The following PCDH9 variants were observed in gnomAD, a reference collection of about 807,000 sequenced individuals.
The protein encoded by PCDH9 is protocadherin-9.
Under a neutral mutation model 70.6 loss-of-function variants are expected in PCDH9, and 24 were observed. That is an observed-to-expected ratio of 0.34 (90% CI 0.25 to 0.48). The LOEUF is 0.48. PCDH9 is among the 20% of genes least tolerant of loss of function. The pLI is 0.99. For synonymous variants in PCDH9, 562 were observed against 558.5 expected, an observed-to-expected ratio of 1.01 and a Z score of -0.09; for missense variants, 1,281 against 1,503.6, an observed-to-expected ratio of 0.85 and a Z score of 2.45.
intron 4 of PCDH9, among the ~76,000 whole-genome samples, chr13:66,455,542 A>G (rs966965816): frequency 2.0e-5 from 3 of 152,106 alleles, no homozygotes; most frequent in Non-Finnish European, 4.4e-5. Flanking sequence ...GACTGAAAGT[A>G]TGAAATAATA....
chr13:67,120,566 C>G (rs2086857574), intron 2 of PCDH9, among the ~76,000 whole-genome samples: 1 of 152,050 alleles, frequency 6.6e-6, no homozygotes, highest in African/African-American at 2.4e-5. Context: ...TATAAGTACC[C>G]CTAGCTGTTC....
At chr13:67,177,815 A>C (rs2088504858) in intron 2 of PCDH9, among the ~76,000 whole-genome samples, 1 of 152,102 alleles carries the variant, frequency 6.6e-6, no homozygotes, top group Non-Finnish European at 1.5e-5. Context: ...CAGTTGCTTC[A>C]ATCTCAGCAT....
intron 4 of PCDH9, among the ~76,000 whole-genome samples, chr13:66,510,677 A>G (rs185634502): frequency 2.3e-3 from 355 of 152,278 alleles, no homozygotes; most frequent in African/African-American, 8.2e-3. Flanking sequence ...ATGTCCCTAC[A>G]AAGGAAATGA....
intron 2 of PCDH9, among the ~76,000 whole-genome samples, chr13:67,060,894 A>G (rs191546150): frequency 1.6e-4 from 25 of 152,242 alleles, no homozygotes; most frequent in Non-Finnish European, 2.9e-4. Flanking sequence ...CATTAAAACT[A>G]GAACTCGTAT....
At chr13:66,779,873 A>ATGTGTGTGTGTG (rs35090227) in intron 3 of PCDH9, among the ~76,000 whole-genome samples, 164 of 115,832 alleles carry the variant, frequency 1.4e-3, no homozygotes, top group East Asian at 4.4e-3. Context: ...ATATACATAT[A>ATGTGTGTGTGTG]TGTGTGTGTG....
chr13:66,311,429 T>C (rs1955560989), intron 4 of PCDH9, among the ~76,000 whole-genome samples: 1 of 151,814 alleles, frequency 6.6e-6, no homozygotes, highest in Non-Finnish European at 1.5e-5. Context: ...CCAGCATAAC[T>C]TTTTTTGTGG....
chr13:66,331,388 G>T (rs181570286), intron 4 of PCDH9, among the ~76,000 whole-genome samples: 3 of 152,036 alleles, frequency 2.0e-5, no homozygotes, highest in Non-Finnish European at 4.4e-5. Context: ...CTCTGGCCCC[G>T]AACTTCATGA....
chr13:66,386,435 T>C (rs904226724), intron 4 of PCDH9, among the ~76,000 whole-genome samples: 1 of 152,168 alleles, frequency 6.6e-6, no homozygotes, highest in Non-Finnish European at 1.5e-5. Flanking sequence ...GGGGTTGAAC[T>C]GGTGAATTAA....
chr13:66,745,574 G>T (rs960730864), intron 3 of PCDH9, among the ~76,000 whole-genome samples: 4 of 152,162 alleles, frequency 2.6e-5, no homozygotes, highest in African/African-American at 7.2e-5. Flanking sequence ...GTTGGGAACA[G>T]TGGGAGAGCT....
chr13:66,425,241 TACAGGTAAAGACTGC>T (rs2138360135), intron 4 of PCDH9, among the ~76,000 whole-genome samples: 1 of 151,832 alleles, frequency 6.6e-6, no homozygotes, highest in African/African-American at 2.4e-5. Flanking sequence ...TGAAAGACAT[TACAGGTAAAGACTGC>T]AAAGCTTTGA....
chr13:66,730,136 C>G (rs1029591048), intron 3 of PCDH9, among the ~76,000 whole-genome samples: 2 of 152,148 alleles, frequency 1.3e-5, no homozygotes, highest in Non-Finnish European at 2.9e-5. Context: ...AAATTCAAAT[C>G]ACTTGATTAA....
chr13:66,479,880 C>G (rs1958806411), intron 4 of PCDH9, among the ~76,000 whole-genome samples: 1 of 152,142 alleles, frequency 6.6e-6, no homozygotes, highest in Admixed American at 6.6e-5. Context: ...TGGGCAGGGA[C>G]AAATAAGGGA....
At chr13:66,487,747 A>G (rs1958968280) in intron 4 of PCDH9, among the ~76,000 whole-genome samples, 1 of 152,150 alleles carries the variant, frequency 6.6e-6, no homozygotes, top group South Asian at 2.1e-4. Context: ...ACATACCTGA[A>G]AGTTTCCCCT....
At chr13:67,179,362 T>C (rs1594619875) in intron 2 of PCDH9, among the ~76,000 whole-genome samples, 1 of 152,120 alleles carries the variant, frequency 6.6e-6, no homozygotes, top group East Asian at 1.9e-4. Flanking sequence ...ATGGGATCAT[T>C]CAGACTTAAA....
At chr13:66,794,911 T>C (rs886287751) in intron 3 of PCDH9, among the ~76,000 whole-genome samples, 6 of 151,592 alleles carry the variant, frequency 4.0e-5, no homozygotes, top group African/African-American at 7.3e-5. Context: ...CCTAATTAGA[T>C]TTCAGTTCTG....
chr13:67,013,120 A>T (rs1198199022), intron 2 of PCDH9, among the ~76,000 whole-genome samples: 2 of 151,972 alleles, frequency 1.3e-5, no homozygotes, highest in East Asian at 3.8e-4. Flanking sequence ...TAACATGGTC[A>T]CTGTAAAAAT....
chr13:66,330,465 T>C (rs1243944829), intron 4 of PCDH9, among the ~76,000 whole-genome samples: 1 of 152,200 alleles, frequency 6.6e-6, no homozygotes, highest in African/African-American at 2.4e-5. Context: ...CAGACTCTTA[T>C]TCTTTCTGCC....
At chr13:67,137,175 T>C (rs2087253479) in intron 2 of PCDH9, among the ~76,000 whole-genome samples, 1 of 152,108 alleles carries the variant, frequency 6.6e-6, no homozygotes, top group Non-Finnish European at 1.5e-5. Context: ...TGTTGCTGTG[T>C]AGCAATGTGA....
chr13:66,666,073 G>A (rs1028090618), intron 3 of PCDH9, among the ~76,000 whole-genome samples: 4 of 152,174 alleles, frequency 2.6e-5, no homozygotes, highest in African/African-American at 9.7e-5. Flanking sequence ...TGAATCCAAG[G>A]CTAAGAACTG....
Sources: allele counts gnomAD v4.1 joint callset (sites outside exome capture counted in the v4.1 genomes callset), GRCh38; gene constraint gnomAD v4.1.1; transcripts MANE v1.5; gene names NCBI Gene and HGNC (gene_info 2026-07-23, HGNC 2026-07-21).